The following CHSY3 variants were observed in gnomAD, a reference collection of about 807,000 sequenced individuals.
CHSY3 encodes the protein N-acetylgalactosaminyl-proteoglycan 3-beta-glucuronosyltransferase 3.
CHSY3 carries 35 observed loss-of-function variants against 67.2 expected under a neutral mutation model. That is an observed-to-expected ratio of 0.52 (90% CI 0.40 to 0.69). The LOEUF (loss-of-function observed/expected upper bound fraction) is 0.69. CHSY3 is among the 30% of genes least tolerant of loss of function. The pLI, the probability that CHSY3 is intolerant of heterozygous loss-of-function variation, is 0.00. For synonymous variants in CHSY3, 474 were observed against 434.7 expected, an observed-to-expected ratio of 1.09 and a Z score of -1.12; for missense variants, 1,069 against 1,138.5, an observed-to-expected ratio of 0.94 and a Z score of 0.88.
At chr5:130,132,850 AT>A (rs1445616313) in intron 2 of CHSY3, among the ~76,000 whole-genome samples, 6 of 152,044 alleles carry the variant, frequency 3.9e-5, no homozygotes, top group African/African-American at 1.4e-4. Flanking sequence ...ACAACAAATA[AT>A]TTTCCACCCC....
chr5:130,136,400 TA>T (rs2149716535), intron 2 of CHSY3, among the ~76,000 whole-genome samples: 1 of 152,280 alleles, frequency 6.6e-6, no homozygotes, highest in South Asian at 2.1e-4. Context: ...TGAAGGCTGA[TA>T]CTGAGGAGCT....
chr5:129,944,503 T>G (rs1467934601), intron 2 of CHSY3, among the ~76,000 whole-genome samples: 1 of 152,066 alleles, frequency 6.6e-6, no homozygotes, highest in East Asian at 1.9e-4. Flanking sequence ...CTCAGCTAAT[T>G]TTTGTATTTT....
chr5:129,975,544 G>C (rs1328252686), intron 2 of CHSY3, among the ~76,000 whole-genome samples: 1 of 152,012 alleles, frequency 6.6e-6, no homozygotes, highest in Non-Finnish European at 1.5e-5. Context: ...ATTTGACTAA[G>C]ATGGTCAAAT....
intron 2 of CHSY3, among the ~76,000 whole-genome samples, chr5:130,182,806 T>C (rs184336664): frequency 7.8e-4 from 118 of 152,112 alleles, no homozygotes; most frequent in Non-Finnish European, 1.0e-4. Flanking sequence ...TTTTTTCAAG[T>C]CTCTTCTTCC....
At chr5:130,066,489 T>C (rs879404944) in intron 2 of CHSY3, among the ~76,000 whole-genome samples, 8 of 152,052 alleles carry the variant, frequency 5.3e-5, no homozygotes, top group Non-Finnish European at 8.8e-5. Context: ...TTTATATTGT[T>C]CCATTCTCCA....
At chr5:130,066,465 T>C (rs1765889361) in intron 2 of CHSY3, among the ~76,000 whole-genome samples, 2 of 152,066 alleles carry the variant, frequency 1.3e-5, no homozygotes, top group South Asian at 2.1e-4. Context: ...CCTCTAGCTG[T>C]AAGTCCAATT....
intron 2 of CHSY3, among the ~76,000 whole-genome samples, chr5:129,940,069 G>C (rs1226315555): frequency 6.6e-6 from 1 of 152,062 alleles, no homozygotes; most frequent in African/African-American, 2.4e-5. Context: ...TCATTAAATA[G>C]AAATGTTCTA....
chr5:130,177,287 G>A (rs906330529), intron 2 of CHSY3, among the ~76,000 whole-genome samples: 1 of 151,558 alleles, frequency 6.6e-6, no homozygotes, highest in Non-Finnish European at 1.5e-5. Context: ...CAGATTCACT[G>A]GGTTTTCTGT....
chr5:130,131,433 T>C (rs1483512441), intron 2 of CHSY3, among the ~76,000 whole-genome samples: 2 of 152,304 alleles, frequency 1.3e-5, no homozygotes, highest in South Asian at 2.1e-4. Flanking sequence ...ACTCGTCTGC[T>C]TAAAACCTTG....
chr5:130,086,209 G>A (rs535634026), intron 2 of CHSY3, among the ~76,000 whole-genome samples: 96 of 152,134 alleles, frequency 6.3e-4, no homozygotes, highest in African/African-American at 2.2e-3. Context: ...TGACAGTGGG[G>A]TGTTAAATTC....
intron 1 of CHSY3, chr5:129,905,905 GTCTTTAC>G: frequency 1.6e-6 from 1 of 641,260 alleles, no homozygotes. Flanking sequence ...TTGTCCCTTA[GTCTTTAC>G]CTCGTCGGAG....
In CHSY3 at chr5:130,146,859, T is replaced by C. The variant is rs549153210; in HGVS notation, c.1087-37370T>C. Among the ~76,000 whole-genome samples, 7 of 152,314 alleles carry C rather than the reference T, an allele frequency of 4.6e-5. No homozygotes were observed. In the South Asian group the frequency reaches 1.5e-3, roughly 32 times the overall value. On this transcript the variant is annotated intron_variant, in intron 2 of 2. Coordinates refer to ENST00000305031, the MANE Select transcript of CHSY3 (RefSeq NM_175856.5). ...CCCAGGCTGGAGTGCAATGGCGCGA[T>C]CTTGGCTCACTGCAACCTCCACCTC...
chr5:129,985,133 T>A (rs1763148765), intron 2 of CHSY3, among the ~76,000 whole-genome samples: 2 of 152,184 alleles, frequency 1.3e-5, no homozygotes, highest in African/African-American at 2.4e-5. Context: ...TAAGTTTTCT[T>A]CTAGAGTTTT....
chr5:130,033,301 C>T (rs536474536), intron 2 of CHSY3, among the ~76,000 whole-genome samples: 2 of 152,080 alleles, frequency 1.3e-5, no homozygotes, highest in Admixed American at 6.6e-5. Context: ...CCTTCAACCC[C>T]GGCATATATA....
At chr5:130,089,399 A>G (rs1580722925) in intron 2 of CHSY3, among the ~76,000 whole-genome samples, 1 of 151,960 alleles carries the variant, frequency 6.6e-6, no homozygotes, top group East Asian at 1.9e-4. Context: ...TTAAAAATAA[A>G]AAAATTTAAA....
chr5:130,047,836 A>G (rs993430509), intron 2 of CHSY3, among the ~76,000 whole-genome samples: 1 of 152,056 alleles, frequency 6.6e-6, no homozygotes, highest in Non-Finnish European at 1.5e-5. Flanking sequence ...GTTTTAACGA[A>G]TTTTGTTAAT....
intron 2 of CHSY3, among the ~76,000 whole-genome samples, chr5:129,996,115 A>C (rs957944971): frequency 2.0e-5 from 3 of 152,178 alleles, no homozygotes; most frequent in African/African-American, 7.2e-5. Flanking sequence ...CCATCTTAAA[A>C]ATGGGGTAAT....
chr5:130,153,827 G>T, intron 2 of CHSY3, among the ~76,000 whole-genome samples: 1 of 151,942 alleles, frequency 6.6e-6, no homozygotes, highest in South Asian at 2.1e-4. Flanking sequence ...TCGTTTTTTT[G>T]TTTGTTTTAT....
At chr5:130,090,729 G>A (rs1766849655) in intron 2 of CHSY3, among the ~76,000 whole-genome samples, 2 of 152,086 alleles carry the variant, frequency 1.3e-5, no homozygotes, top group Admixed American at 1.3e-4. Context: ...GATAACATGA[G>A]TTTGTTTCCC....
Sources: gnomAD v4.1 joint callset for allele counts (sites outside exome capture counted in the v4.1 genomes callset) on GRCh38, gnomAD v4.1.1 for gene constraint, MANE v1.5 for transcripts, NCBI Gene and HGNC (gene_info 2026-07-23, HGNC 2026-07-21) for gene names.